PSD3: variants seen among roughly 807,000 people sequenced by gnomAD.
The protein encoded by PSD3 is PH and SEC7 domain-containing protein 3.
A neutral mutation model predicts 105.5 loss-of-function variants in PSD3; 49 were observed. The ratio of observed to expected loss-of-function variants is 0.46; its 90% confidence interval spans 0.37 to 0.59. The LOEUF is 0.59. PSD3 is among the 20% of genes least tolerant of loss of function. PSD3 has a pLI of 0.00. For missense variants in PSD3, 1,561 were observed against 1,263.8 expected (o/e 1.24, Z -3.57); for synonymous variants, 557 against 457.8 (o/e 1.22, Z -2.77).
chr8:18,844,697 A>G (rs1269870327), intron 4 of PSD3, among the ~76,000 whole-genome samples: 1 of 152,218 alleles, frequency 6.6e-6, no homozygotes, highest in Non-Finnish European at 1.5e-5. Flanking sequence ...TCAGGGAAAA[A>G]TAAGATTATT....
chr8:18,571,132 A>G (rs2130316777), intron 14 of PSD3, among the ~76,000 whole-genome samples: 1 of 152,188 alleles, frequency 6.6e-6, no homozygotes, highest in South Asian at 2.1e-4. Context: ...AAGTGCTGGG[A>G]TTACAGGCAT....
chr8:18,827,424 TG>T (rs1813287105), intron 4 of PSD3, among the ~76,000 whole-genome samples: 2 of 152,052 alleles, frequency 1.3e-5, no homozygotes, highest in Non-Finnish European at 2.9e-5. Context: ...GGTGCGAAGA[TG>T]GGGCAGTCAG....
At chr8:18,845,346 T>C (rs1586204060) in intron 4 of PSD3, among the ~76,000 whole-genome samples, 2 of 152,200 alleles carry the variant, frequency 1.3e-5, no homozygotes, top group South Asian at 4.1e-4. Flanking sequence ...TGGGGTCCCC[T>C]AGGCCTTTGG....
chr8:18,772,471 G>C (rs1807629742), intron 8 of PSD3, among the ~76,000 whole-genome samples: 2 of 152,136 alleles, frequency 1.3e-5, no homozygotes, highest in Admixed American at 6.6e-5. Flanking sequence ...TTCTAGATTA[G>C]AGAATGTTGA....
In PSD3 at chr8:18,532,315, G is replaced by A. The variant is rs1799666783; in HGVS notation, c.*3428C>T. On this transcript the variant is annotated 3_prime_UTR_variant, in exon 16 of 16. Transcript: ENST00000327040. Reference sequence around the variant, plus strand: ...CAGAAGTTCTGTAGCTTGGCCACAGGGTGAAATACAAACCTATCTTAGCCT... The same window carrying A: ...CAGAAGTTCTGTAGCTTGGCCACAGAGTGAAATACAAACCTATCTTAGCCT... The A allele has an allele frequency of 6.6e-6, 1 of 152,146 alleles. No homozygotes were observed. The highest frequency in any genetic ancestry group is 2.4e-5 in the African/African-American group (1 of 41,442). 9.4% of individuals were successfully genotyped at this position (152,146 alleles called of 1,614,324 possible).
intron 1 of PSD3, 31 bp from the exon 2 acceptor site, chr8:18,936,173 T>A (rs1363909371): frequency 2.1e-6 from 3 of 1,433,362 alleles, no homozygotes; most frequent in Non-Finnish European, 2.9e-6. Context: ...AAAGACACAT[T>A]TAAAATACAT....
chr8:19,029,326 T>C (rs541727332), intron 1 of PSD3, among the ~76,000 whole-genome samples: 16 of 152,340 alleles, frequency 1.1e-4, no homozygotes, highest in African/African-American at 3.8e-4. Flanking sequence ...CTTTGATTTA[T>C]TTAAGCAATG....
chr8:18,719,491 AC>A (rs1802813589), intron 9 of PSD3, among the ~76,000 whole-genome samples: 2 of 152,312 alleles, frequency 1.3e-5, no homozygotes, highest in South Asian at 4.1e-4. Flanking sequence ...CTGCTTTAAA[AC>A]AATATTCATA....
At chr8:18,815,548 T>G (rs758421145) in intron 4 of PSD3, among the ~76,000 whole-genome samples, 5 of 152,176 alleles carry the variant, frequency 3.3e-5, no homozygotes, top group Non-Finnish European at 7.4e-5. Context: ...TGGCCTCAAG[T>G]GATCTCTCCA....
chr8:18,946,880 G>A (rs1822893277), intron 1 of PSD3, among the ~76,000 whole-genome samples: 1 of 151,094 alleles, frequency 6.6e-6, no homozygotes, highest in Non-Finnish European at 1.5e-5. Flanking sequence ...ACTCCAGCCT[G>A]CGCAACAGAG....
Position 18,867,976 on chromosome 8 carries a change from C to T in PSD3, c.1332G>A (p.Gln444=). The T allele has an allele frequency of 6.2e-7, 1 of 1,614,196 alleles. No homozygotes were observed. The highest frequency in any genetic ancestry group is 8.5e-7 in the Non-Finnish European group (1 of 1,180,022). ...AAGTGTTGTCCAAAATGGTTTCAAA[C>T]TGGGAGCTGTACACGTCGGTGGAGT... The part of the protein sequence containing the change: ...TEDSTDVYSS[Q]FETILDNTSL... Residue 444 remains glutamine (Q), a synonymous_variant, in exon 4 of 16, where the codon CAG becomes CAA. Coordinates refer to ENST00000327040, the MANE Select transcript of PSD3 (RefSeq NM_015310.4).
chr8:18,590,137 C>G (rs1275234773), intron 12 of PSD3, among the ~76,000 whole-genome samples: 2 of 151,992 alleles, frequency 1.3e-5, no homozygotes, highest in Admixed American at 1.3e-4. Flanking sequence ...CAAAGGAAGG[C>G]TAGTTTTAAA....
chr8:18,725,049 C>T (rs1464723142), intron 9 of PSD3, among the ~76,000 whole-genome samples: 1 of 152,110 alleles, frequency 6.6e-6, no homozygotes, highest in African/African-American at 2.4e-5. Flanking sequence ...ATCTAATTTC[C>T]TTGTTCTTTT....
At chr8:18,954,544 T>C (rs1823439413) in intron 1 of PSD3, among the ~76,000 whole-genome samples, 2 of 152,072 alleles carry the variant, frequency 1.3e-5, no homozygotes, top group South Asian at 2.1e-4. Flanking sequence ...CATCCATCCA[T>C]CCATCCATCC....
intron 1 of PSD3, among the ~76,000 whole-genome samples, chr8:18,965,837 C>T (rs1462695640): frequency 6.6e-6 from 1 of 152,162 alleles, no homozygotes; most frequent in Non-Finnish European, 1.5e-5. Context: ...AACACGTGAA[C>T]AAAATAAATG....
intron 2 of PSD3, among the ~76,000 whole-genome samples, chr8:18,879,167 C>T (rs1028071297): frequency 1.3e-5 from 2 of 152,024 alleles, no homozygotes; most frequent in Admixed American, 6.6e-5. Flanking sequence ...ATAATTCCTT[C>T]ACCCCATTTT....
chr8:18,621,115 G>A (rs1227943485), intron 11 of PSD3, among the ~76,000 whole-genome samples: 1 of 152,098 alleles, frequency 6.6e-6, no homozygotes, highest in Non-Finnish European at 1.5e-5. Context: ...CTAGTCAAGA[G>A]TATTGCTTCC....
intron 2 of PSD3, among the ~76,000 whole-genome samples, chr8:18,886,397 C>G (rs1392621078): frequency 6.6e-6 from 1 of 152,090 alleles, no homozygotes; most frequent in Admixed American, 6.6e-5. Context: ...GCGCGGGCAT[C>G]CCCGAATAAA....
At chr8:18,642,789 T>C (rs1161608565) in intron 10 of PSD3, among the ~76,000 whole-genome samples, 1 of 152,212 alleles carries the variant, frequency 6.6e-6, no homozygotes, top group Non-Finnish European at 1.5e-5. Context: ...TCCATCTCAA[T>C]CTCATTATCA....
Sources: gnomAD v4.1 joint callset for allele counts (sites outside exome capture counted in the v4.1 genomes callset) on GRCh38, gnomAD v4.1.1 for gene constraint, MANE v1.5 for transcripts, NCBI Gene and HGNC (gene_info 2026-07-23, HGNC 2026-07-21) for gene names.